GPC5: variants seen among roughly 807,000 people sequenced by gnomAD.
GPC5 encodes the protein glypican 5.
Under a neutral mutation model 53.9 loss-of-function variants are expected in GPC5, and 47 were observed. The ratio of observed to expected loss-of-function variants is 0.87; its 90% CI spans 0.69 to 1.11. GPC5 has a LOEUF of 1.11. Among genes scored for constraint, GPC5 ranks in the 50% most tolerant of loss-of-function variants. The pLI, the probability that GPC5 is intolerant of heterozygous loss-of-function variation, is 0.00. For missense variants in GPC5, 748 were observed against 713.1 expected, an observed-to-expected ratio of 1.05 and a Z score of -0.56; for synonymous variants, 286 against 263.3, an observed-to-expected ratio of 1.09 and a Z score of -0.84.
chr13:91,753,882 G>A (rs2037232439), intron 4 of GPC5, among the ~76,000 whole-genome samples: 1 of 152,086 alleles, frequency 6.6e-6, no homozygotes, highest in South Asian at 2.1e-4. Flanking sequence ...TATTAGCACT[G>A]TATTATCATT....
intron 6 of GPC5, among the ~76,000 whole-genome samples, chr13:91,940,303 T>G (rs112042465): frequency 0.024 from 3,717 of 152,160 alleles, 149 homozygotes; most frequent in African/African-American, 0.085. Context: ...CTACACCTCT[T>G]TTGCTGCAAA....
chr13:91,481,802 T>A (rs1242710819), intron 2 of GPC5, among the ~76,000 whole-genome samples: 1 of 152,158 alleles, frequency 6.6e-6, no homozygotes, highest in African/African-American at 2.4e-5. Flanking sequence ...TGAAAGATGA[T>A]ACCTGTGGAA....
intron 7 of GPC5, among the ~76,000 whole-genome samples, chr13:92,702,327 A>ATCTT (rs1425066440): frequency 6.6e-6 from 1 of 152,112 alleles, no homozygotes; most frequent in Non-Finnish European, 1.5e-5. Flanking sequence ...GTCTATCCAA[A>ATCTT]TCTTTATTCA....
At chr13:92,188,944 C>T (rs2042203293) in intron 7 of GPC5, among the ~76,000 whole-genome samples, 1 of 152,174 alleles carries the variant, frequency 6.6e-6, no homozygotes, top group Non-Finnish European at 1.5e-5. Context: ...CTTGGAGAGA[C>T]AGGCAGGTAC....
At chr13:91,604,414 T>G (rs963932439) in intron 2 of GPC5, among the ~76,000 whole-genome samples, 1 of 151,948 alleles carries the variant, frequency 6.6e-6, no homozygotes, top group African/African-American at 2.4e-5. Context: ...AATAAACATA[T>G]GGGTGCATGT....
At chr13:92,148,157 C>T (rs567980720) in intron 7 of GPC5, among the ~76,000 whole-genome samples, 115 of 152,066 alleles carry the variant, frequency 7.6e-4, no homozygotes, top group African/African-American at 2.5e-3. Flanking sequence ...TATATATCTA[C>T]ATATAACTAT....
chr13:92,366,959 C>T (rs749497860), intron 7 of GPC5, among the ~76,000 whole-genome samples: 1 of 152,156 alleles, frequency 6.6e-6, no homozygotes, highest in Non-Finnish European at 1.5e-5. Flanking sequence ...GTACTTTCAG[C>T]ATTATTGTTA....
Position 92,038,348 on chromosome 13 carries a change from CTAGA to C in GPC5, c.1402-106450_1402-106447del, listed in dbSNP as rs76013713. Among the ~76,000 whole-genome samples the C allele has an allele frequency of 8.6e-3, 1,200 of 139,270 alleles. 24 individuals carry two copies. Among genetic ancestry groups the C allele is most frequent in the African/African-American group, 0.03 (1,106 of 37,134 alleles). The allele number at this position is 139,270 out of a possible 152,430, so 91.4% of individuals were successfully genotyped here. A position where few individuals can be genotyped will look rare whatever the true frequency, so the allele number is the denominator to read the frequency against. ...TTGGAGTTTATGAGCATGATCTATG[CTAGA>C]TAGATAGATAGATAGATAGATAGAT... is the stretch of plus-strand genomic sequence containing the variant. On this transcript the variant is annotated intron_variant, in intron 6 of 7. Coordinates refer to ENST00000377067, the MANE Select transcript of GPC5 (RefSeq NM_004466.6).
At chr13:91,686,729 A>G (rs921892661) in intron 2 of GPC5, among the ~76,000 whole-genome samples, 5 of 152,034 alleles carry the variant, frequency 3.3e-5, no homozygotes, top group African/African-American at 2.4e-5. Flanking sequence ...AATTGGTTAT[A>G]AAATTACTTT....
intron 2 of GPC5, among the ~76,000 whole-genome samples, chr13:91,660,637 T>C (rs372884583): frequency 2.0e-5 from 3 of 152,224 alleles, no homozygotes; most frequent in African/African-American, 4.8e-5. Flanking sequence ...AATAGTTAAC[T>C]AATACAGATG....
chr13:92,028,987 A>G (rs1186863696), intron 6 of GPC5, among the ~76,000 whole-genome samples: 1 of 152,228 alleles, frequency 6.6e-6, no homozygotes, highest in Non-Finnish European at 1.5e-5. Context: ...TGGCTTCACT[A>G]GTACAACACT....
intron 2 of GPC5, among the ~76,000 whole-genome samples, chr13:91,568,609 C>T (rs373736672): frequency 4.0e-5 from 6 of 149,838 alleles, no homozygotes; most frequent in South Asian, 4.2e-4. Flanking sequence ...TGTATGAAGA[C>T]GGGTCCTTAG....
intron 7 of GPC5, among the ~76,000 whole-genome samples, chr13:92,848,149 A>G (rs1878672239): frequency 1.3e-5 from 2 of 152,198 alleles, no homozygotes. Flanking sequence ...TCTAATATGT[A>G]AATAAAAATC....
intron 6 of GPC5, among the ~76,000 whole-genome samples, chr13:92,108,816 A>T (rs2041529942): frequency 6.6e-6 from 1 of 152,138 alleles, no homozygotes; most frequent in Non-Finnish European, 1.5e-5. Flanking sequence ...ACTTGTCAGT[A>T]TCACCAGGCC....
chr13:91,699,863 A>G (rs1234934295), intron 3 of GPC5, among the ~76,000 whole-genome samples: 5 of 151,958 alleles, frequency 3.3e-5, no homozygotes, highest in African/African-American at 4.8e-5. Context: ...GGAACTTCTT[A>G]CTCCAGATGT....
intron 6 of GPC5, among the ~76,000 whole-genome samples, chr13:91,936,417 A>G (rs1382868373): frequency 6.6e-6 from 1 of 152,054 alleles, no homozygotes; most frequent in Non-Finnish European, 1.5e-5. Context: ...AAGCTCAACA[A>G]CATGGCCGTC....
At chr13:92,391,458 G>A (rs1170437296) in intron 7 of GPC5, among the ~76,000 whole-genome samples, 1 of 152,054 alleles carries the variant, frequency 6.6e-6, no homozygotes, top group Admixed American at 6.5e-5. Flanking sequence ...ATTTGACTAA[G>A]ACCTAACCTT....
intron 6 of GPC5, among the ~76,000 whole-genome samples, chr13:91,933,067 T>G (rs2039836499): frequency 1.3e-5 from 2 of 151,988 alleles, no homozygotes; most frequent in Admixed American, 1.3e-4. Flanking sequence ...CAAAGGGATC[T>G]AGTTTGTTTA....
In GPC5 at chr13:92,363,328, G is replaced by A. The variant is rs542386741; in HGVS notation, c.1561+218339G>A. On this transcript the variant is annotated intron_variant, in intron 7 of 7. Transcript: ENST00000377067. Reference sequence around the variant, plus strand: ...TTAAGAATTTGGCCCTAGACCAGAGGTCCCCAACATTTTTGGCACCAGGGA... The same window carrying A: ...TTAAGAATTTGGCCCTAGACCAGAGATCCCCAACATTTTTGGCACCAGGGA... Among the ~76,000 whole-genome samples the A allele has an allele frequency of 3.2e-4, 48 of 151,762 alleles. 3 individuals carry two copies. Among genetic ancestry groups the A allele is most frequent in the African/African-American group, 1.1e-3 (47 of 41,062 alleles).
Sources: gnomAD v4.1 joint callset for allele counts (sites outside exome capture counted in the v4.1 genomes callset) on GRCh38, gnomAD v4.1.1 for gene constraint, MANE v1.5 for transcripts, NCBI Gene and HGNC (gene_info 2026-07-23, HGNC 2026-07-21) for gene names.